Variants in PIWIL1 observed in about 807,000 individuals in gnomAD.
PIWIL1 encodes piwi-like protein 1.
In PIWIL1, 73 loss-of-function variants were observed where a neutral mutation model predicts 114.4. That is an observed-to-expected ratio of 0.64 (90% confidence interval 0.53 to 0.78). The LOEUF (loss-of-function observed/expected upper bound fraction) is 0.78, where lower values mean the gene tolerates loss of function less well. Among genes scored for constraint, PIWIL1 ranks in the 30% least tolerant of loss-of-function variants. PIWIL1 has a pLI of 0.00. For synonymous variants in PIWIL1, 375 were observed against 369.0 expected (o/e 1.02, Z -0.19); for missense variants, 723 against 1,063.1 (o/e 0.68, Z 4.45).
chr12:130,400,493 C>T, the PIWIL1 span, among the ~76,000 whole-genome samples: 3 of 152,174 alleles, frequency 2.0e-5, no homozygotes. Context: ...TGGTCATCTG[C>T]ACCAAGTGGC....
At chr12:130,401,620 TA>T in the PIWIL1 span, among the ~76,000 whole-genome samples, 1 of 151,858 alleles carries the variant, frequency 6.6e-6, no homozygotes, top group Non-Finnish European at 1.5e-5. Context: ...GCTCCATTAT[TA>T]GCTTATTTTT....
chr12:130,359,296 C>T (rs1307302759), intron 14 of PIWIL1, among the ~76,000 whole-genome samples: 1 of 152,154 alleles, frequency 6.6e-6, no homozygotes, highest in Non-Finnish European at 1.5e-5. Context: ...AGTCTTTGTC[C>T]AAGAACTTGG....
chr12:130,354,707 AC>A, intron 10 of PIWIL1, 44 bp downstream of exon 10: 2 of 1,538,026 alleles, frequency 1.3e-6, no homozygotes, highest in South Asian at 1.3e-5. Context: ...CACTGGATTT[AC>A]CCTTTCTTTC....
chr12:130,425,482 G>C, the PIWIL1 span: 1 of 152,536 alleles, frequency 6.6e-6, no homozygotes, highest in East Asian at 1.9e-4. Flanking sequence ...ATCGTGCAGA[G>C]TCTGTGTCAG....
the PIWIL1 span, among the ~76,000 whole-genome samples, chr12:130,403,607 A>G: frequency 1.3e-5 from 2 of 152,196 alleles, no homozygotes. Context: ...AACCTAAAGG[A>G]TCTCTCTCTG....
At chr12:130,349,210 T>A in intron 7 of PIWIL1, 29 bp from the exon 8 acceptor site, 2 of 1,575,776 alleles carry the variant, frequency 1.3e-6, no homozygotes, top group Non-Finnish European at 1.7e-6. Context: ...TGTGGAGAGG[T>A]TCTTCATGAC....
At chr12:130,379,329 T>C in the PIWIL1 span, among the ~76,000 whole-genome samples, 7 of 152,366 alleles carry the variant, frequency 4.6e-5, no homozygotes, top group East Asian at 1.2e-3. Flanking sequence ...TTTTTCTTAT[T>C]GAAATTCAAA....
rs771660959 is a variant in PIWIL1 at position 130,346,894 on chromosome 12, G to A, written c.532-47G>A. 5.0e-6 allele frequency: 8 copies of A among 1,589,134 alleles called. No homozygotes were observed. The South Asian group carries it at 8.1e-5, about 16-fold the overall frequency. On this transcript the variant is annotated intron_variant, in intron 5 of 20. Coordinates refer to ENST00000245255, the MANE Select transcript of PIWIL1 (RefSeq NM_004764.5). ...AAGCAGTATGTGATTGGGCATAATT[G>A]TCCTTTAAGGATTTAAAGTTTGGGT...
At chr12:130,371,095 G>A (rs1426074215) in intron 19 of PIWIL1, 81 bp from the exon 20 acceptor site, 1 of 1,156,302 alleles carries the variant, frequency 8.6e-7, no homozygotes, top group African/African-American at 1.5e-5. Context: ...GTGAAGAGTG[G>A]TACAGAGCTT....
Position 130,347,058 on chromosome 12 carries a change from A to G in PIWIL1, c.649A>G (p.Arg217Gly), listed in dbSNP as rs750893252. Residue 217 changes from arginine to glycine, a missense_variant, in exon 6 of 21, where the codon AGG becomes GGG. Around this residue, in one of 8 missense-constraint regions of PIWIL1, gnomAD observed 190 missense variants for 294.4 expected, o/e 0.65. Transcript: ENST00000245255. ...TCLQFYNIIF[R>G]RLLKIMNLQQ... The stretch of plus-strand genomic sequence containing the variant: ...TTTGCAGTTCTATAATATTATTTTC[A>G]GGAGGTATGTGTTTTATTTCAACAT... The G allele has an allele frequency of 1.2e-6, 2 of 1,604,608 alleles. No homozygotes were observed. The highest frequency in any genetic ancestry group is 1.7e-6 in the Non-Finnish European group (2 of 1,174,954).
chr12:130,348,826 G>A (rs2073139267), intron 7 of PIWIL1, among the ~76,000 whole-genome samples: 1 of 152,130 alleles, frequency 6.6e-6, no homozygotes, highest in South Asian at 2.1e-4. Flanking sequence ...CTTGAACCCG[G>A]GAGGCGGAGG....
downstream of PIWIL1, among the ~76,000 whole-genome samples, chr12:130,376,732 T>C (rs77390536): frequency 2.3e-3 from 344 of 152,324 alleles, 6 homozygotes; most frequent in East Asian, 0.053. Flanking sequence ...AGCCTAGCCT[T>C]CCTAACCCAT....
chr12:130,373,986 G>C (rs2398511), downstream of PIWIL1, among the ~76,000 whole-genome samples: 147,450 of 152,264 alleles, frequency 0.97, 71,544 homozygotes, highest in East Asian at 1. Flanking sequence ...ACCTCAGGCT[G>C]TCCCTTCCCA....
At chr12:130,412,577 G>A in the PIWIL1 span, 139 of 1,577,776 alleles carry the variant, frequency 8.8e-5, no homozygotes, top group African/African-American at 1.6e-3. Flanking sequence ...TGTTTTGTGG[G>A]ATAAAATGCA....
the PIWIL1 span, chr12:130,422,372 A>T: frequency 1.1e-6 from 1 of 926,330 alleles, no homozygotes; most frequent in Non-Finnish European, 1.7e-6. The surrounding 1 kb of genome is among the most constrained non-coding windows in gnomAD (Gnocchi z 5.2). Flanking sequence ...CTACTCCTAA[A>T]GTTTTGTTCA....
chr12:130,338,959 G>A (rs965121834), intron 1 of PIWIL1, among the ~76,000 whole-genome samples: 2 of 151,868 alleles, frequency 1.3e-5, no homozygotes, highest in African/African-American at 4.8e-5. Flanking sequence ...GGAGGTCTCC[G>A]CATTGGCGGC....
chr12:130,370,740 A>T (rs2073795392), intron 19 of PIWIL1, among the ~76,000 whole-genome samples: 1 of 152,194 alleles, frequency 6.6e-6, no homozygotes, highest in African/African-American at 2.4e-5. Context: ...AGGGGAAAAG[A>T]TTCCGTGGTA....
downstream of PIWIL1, among the ~76,000 whole-genome samples, chr12:130,376,352 G>T (rs533550532): frequency 6.6e-6 from 1 of 152,202 alleles, no homozygotes; most frequent in Admixed American, 6.5e-5. Flanking sequence ...AGCACATGAC[G>T]TGTAGCCTCT....
the PIWIL1 span, among the ~76,000 whole-genome samples, chr12:130,391,383 C>A: frequency 2.0e-5 from 3 of 152,148 alleles, no homozygotes; most frequent in African/African-American, 7.2e-5. Context: ...CAAGTCCAGC[C>A]ATCTCTACAA....
Sources: gnomAD v4.1 joint callset for allele counts (sites outside exome capture counted in the v4.1 genomes callset) on GRCh38, gnomAD v4.1.1 for gene constraint, gnomAD v4.1.1 regional missense constraint, Gnocchi (gnomAD v3.1) non-coding constraint, MANE v1.5 for transcripts, NCBI Gene and HGNC (gene_info 2026-07-23, HGNC 2026-07-21) for gene names.